Variants in IQSEC1 observed in about 807,000 individuals in gnomAD.
The protein encoded by IQSEC1 is IQ motif and SEC7 domain-containing protein 1.
IQSEC1 carries 31 observed loss-of-function variants against 91.0 expected under a neutral mutation model. The observed-to-expected ratio is 0.34, with a 90% CI of 0.26 to 0.46. IQSEC1 has a LOEUF of 0.46. Among genes scored for constraint, IQSEC1 ranks in the 20% least tolerant of loss-of-function variants. The pLI, the probability that IQSEC1 is intolerant of heterozygous loss-of-function variation, is 1.00. For synonymous variants in IQSEC1, 699 were observed against 662.6 expected, an observed-to-expected ratio of 1.05 and a Z score of -0.84; for missense variants, 1,388 against 1,575.6, an observed-to-expected ratio of 0.88 and a Z score of 2.02.
rs1695351113 is a variant in IQSEC1 at position 13,259,802 on chromosome 3, C to A, written c.272+22909G>T. Reference sequence around the variant, plus strand: ...CCACAAGGGGATGCAAGCCATGCAGCCAATGCCACCCAAGAAAAGGTCAAC... The same window carrying A: ...CCACAAGGGGATGCAAGCCATGCAGACAATGCCACCCAAGAAAAGGTCAAC... On this transcript the variant is annotated intron_variant, in intron 1 of 15. Coordinates refer to the IQSEC1 transcript ENST00000648114. This position sits in a 1 kb window ranked among gnomAD's most constrained non-coding sequence, Gnocchi z 4.6. Among the ~76,000 whole-genome samples the A allele has an allele frequency of 6.6e-6, 1 of 152,242 alleles. No homozygotes were observed. The highest frequency in any genetic ancestry group is 2.4e-5 in the African/African-American group (1 of 41,458).
intron 1 of IQSEC1, chr3:13,022,559 T>G: frequency 1.5e-6 from 1 of 654,728 alleles, no homozygotes; most frequent in Non-Finnish European, 1.9e-6. Flanking sequence ...GTCCAGAGGC[T>G]GGCCTGGGAT....
chr3:13,149,537 C>CG (rs1706956030), intron 2 of IQSEC1, among the ~76,000 whole-genome samples: 1 of 151,990 alleles, frequency 6.6e-6, no homozygotes, highest in Non-Finnish European at 1.5e-5. Flanking sequence ...AGGGTGTCCC[C>CG]GGGGGAGGAC....
chr3:13,075,922 C>T (rs2125122010), upstream of IQSEC1, among the ~76,000 whole-genome samples: 1 of 152,336 alleles, frequency 6.6e-6, no homozygotes, highest in Admixed American at 6.5e-5. Flanking sequence ...GGGGCGCGCC[C>T]ACCTGTGCAG....
At chr3:13,271,238 G>T (rs1160495742) in intron 1 of IQSEC1, among the ~76,000 whole-genome samples, 1 of 152,086 alleles carries the variant, frequency 6.6e-6, no homozygotes, top group Non-Finnish European at 1.5e-5. Flanking sequence ...TTAGCCAGAC[G>T]TGGTGGCAGG....
chr3:13,139,226 G>A (rs1477797472), intron 2 of IQSEC1, among the ~76,000 whole-genome samples: 1 of 152,190 alleles, frequency 6.6e-6, no homozygotes, highest in African/African-American at 2.4e-5. Flanking sequence ...TCCTTCCCAT[G>A]GCAGAGTCTC....
At chr3:13,013,338 C>T (rs1702976791) in intron 1 of IQSEC1, among the ~76,000 whole-genome samples, 1 of 152,188 alleles carries the variant, frequency 6.6e-6, no homozygotes. Flanking sequence ...AGTCCCCTCA[C>T]CTCTTTCCCA....
intron 1 of IQSEC1, among the ~76,000 whole-genome samples, chr3:13,181,101 C>T (rs1177001740): frequency 1.3e-5 from 2 of 152,146 alleles, no homozygotes; most frequent in African/African-American, 4.8e-5. Flanking sequence ...GAAACCCCGT[C>T]TCTACTAAAA....
chr3:13,187,627 G>C (rs1693957185), intron 1 of IQSEC1, among the ~76,000 whole-genome samples: 1 of 152,176 alleles, frequency 6.6e-6, no homozygotes, highest in Non-Finnish European at 1.5e-5. Context: ...GCACACAGTA[G>C]GTGCTCAATA....
At chr3:12,927,561 A>G (rs1697270720) in intron 3 of IQSEC1, among the ~76,000 whole-genome samples, 1 of 151,986 alleles carries the variant, frequency 6.6e-6, no homozygotes, top group Non-Finnish European at 1.5e-5. Context: ...TTTTGCCCCC[A>G]TCCACCCTCT....
chr3:13,210,429 G>A lies in IQSEC1; in HGVS notation c.273-46296C>T, dbSNP rs182370666. Among the ~76,000 whole-genome samples the A allele has an allele frequency of 3.5e-4, 53 of 152,222 alleles. 2 individuals are homozygous for A. In the East Asian group the frequency reaches 8.7e-3, roughly 25 times the overall value. ...CCTGGGCTGCCCAGGGAAGGGAACC[G>A]CAATCTCCAAGCCCCCACTGCCACC... On this transcript the variant is annotated intron_variant, in intron 1 of 15. Coordinates refer to the IQSEC1 transcript ENST00000648114.
chr3:13,044,502 G>A (rs1704414945), intron 1 of IQSEC1, among the ~76,000 whole-genome samples: 1 of 152,230 alleles, frequency 6.6e-6, no homozygotes, highest in African/African-American at 2.4e-5. Context: ...CGGGGAGTGC[G>A]AGGCCAGAGG....
intron 1 of IQSEC1, among the ~76,000 whole-genome samples, chr3:13,170,914 A>G (rs537838477): frequency 1.3e-5 from 2 of 152,224 alleles, no homozygotes; most frequent in South Asian, 2.1e-4. Context: ...CCTGGCCAAC[A>G]TGGTGAAACC....
chr3:12,900,417 C>T lies in IQSEC1; in HGVS notation c.*566G>A, dbSNP rs187596000. On this transcript the variant is annotated 3_prime_UTR_variant, in exon 14 of 14. Transcript: ENST00000613206. ...TGGGTATTGCTAATGTGGACTGAAA[C>T]GCCTGCCTTTCACACACAAGTACTA... 14 of 982,284 alleles carry T rather than the reference C, an allele frequency of 1.4e-5. No individual in the cohort carries two copies. The East Asian group carries it at 8.0e-4, about 56-fold the overall frequency. The allele number at this position is 982,284 out of a possible 1,614,324, so 60.8% of individuals were successfully genotyped here.
intron 1 of IQSEC1, among the ~76,000 whole-genome samples, chr3:13,011,480 AGAG>A (rs1376528827): frequency 1.1e-4 from 17 of 152,236 alleles, no homozygotes; most frequent in Non-Finnish European, 1.3e-4. Context: ...ACTGAAGCTC[AGAG>A]AAGTAAAGGG....
At chr3:13,276,080 CTTTT>C (rs796663192) in intron 1 of IQSEC1, among the ~76,000 whole-genome samples, 16 of 79,544 alleles carry the variant, frequency 2.0e-4, no homozygotes, top group East Asian at 1.6e-3. Context: ...CAAAAGCATT[CTTTT>C]TTTTTTTTTT....
intron 1 of IQSEC1, among the ~76,000 whole-genome samples, chr3:12,963,056 G>A (rs531321873): frequency 3.8e-4 from 58 of 152,326 alleles, no homozygotes; most frequent in African/African-American, 1.3e-3. Context: ...CCAGGCAGGC[G>A]GAGTTCAAAC....
chr3:13,017,793 A>G (rs894410269), intron 1 of IQSEC1, among the ~76,000 whole-genome samples: 1 of 152,104 alleles, frequency 6.6e-6, no homozygotes, highest in Non-Finnish European at 1.5e-5. Flanking sequence ...CCACGGGTGA[A>G]AGGGGAAAGC....
chr3:13,156,082 A>G (rs1358665086), intron 2 of IQSEC1, among the ~76,000 whole-genome samples: 1 of 120,934 alleles, frequency 8.3e-6, no homozygotes, highest in Non-Finnish European at 1.7e-5. Context: ...AAAAAAAAAA[A>G]GTAGCTGGGC....
At chr3:12,918,278 C>A (rs1696299103) in intron 6 of IQSEC1, among the ~76,000 whole-genome samples, 1 of 152,226 alleles carries the variant, frequency 6.6e-6, no homozygotes, top group South Asian at 2.1e-4. Context: ...ATGGGGTGCA[C>A]AGCCCCTTCC....
Sources: allele counts gnomAD v4.1 joint callset (sites outside exome capture counted in the v4.1 genomes callset), GRCh38; gene constraint gnomAD v4.1.1; non-coding constraint Gnocchi (gnomAD v3.1); transcripts MANE v1.5; gene names NCBI Gene and HGNC (gene_info 2026-07-23, HGNC 2026-07-21).